The following GABRG2 variants were observed in gnomAD, a reference collection of about 807,000 sequenced individuals.
The protein encoded by GABRG2 is gamma-aminobutyric acid type A receptor subunit gamma2, also known as gamma-aminobutyric acid receptor subunit gamma-2.
Under a neutral mutation model 56.4 loss-of-function variants are expected in GABRG2, and 16 were observed. The ratio of observed to expected loss-of-function variants is 0.28; its 90% confidence interval spans 0.19 to 0.43. The LOEUF (loss-of-function observed/expected upper bound fraction) is 0.43. Among genes scored for constraint, GABRG2 ranks in the 20% least tolerant of loss-of-function variants. The pLI is 1.00. For synonymous variants in GABRG2, 208 were observed against 205.5 expected (o/e 1.01, Z -0.10); for missense variants, 327 against 582.7 (o/e 0.56, Z 4.52).
rs2113080669 is a variant in GABRG2, at chr5:162,068,042, T to C, written c.43T>C (p.Ser15Pro). The C allele has an allele frequency of 6.2e-7, 1 of 1,613,148 alleles. No homozygotes were observed. The highest frequency in any genetic ancestry group is 1.3e-5 in the African/African-American group (1 of 74,846). Reference protein sequence around the residue: ...NIWSTGSSVYSTPVFSQKMTV... With the variant: ...NIWSTGSSVYPTPVFSQKMTV... ...ATGGAGCACAGGAAGCTCAGTCTAC[T>C]CGACTCCTGTATTTTCACAGAAAAT... Residue 15 changes from serine (S) to proline (P), a missense_variant, in exon 1 of 10, where the codon TCG (serine) becomes CCG (proline). Physicochemically the swap from Ser to Pro is moderately conservative, Grantham distance 74 (BLOSUM62 -1). Around this residue, in one of 4 missense-constraint regions of GABRG2, gnomAD observed 73 missense variants for 72.2 expected, o/e 1.01. Transcript: ENST00000639213.
chr5:162,083,393 G>A (rs1203108425), intron 1 of GABRG2: 2 of 153,174 alleles, frequency 1.3e-5, no homozygotes, highest in Admixed American at 1.3e-4. Flanking sequence ...TCCATCTGTG[G>A]ACTCCTTGCA....
At chr5:162,098,296 A>C (rs1417731150) in intron 4 of GABRG2, 2 of 170,802 alleles carry the variant, frequency 1.2e-5, no homozygotes, top group Non-Finnish European at 2.5e-5. Context: ...AGAATCTATT[A>C]TCTTTCATCT....
chr5:162,067,740 G>A (rs977963879), upstream of GABRG2: 7 of 609,382 alleles, frequency 1.1e-5, no homozygotes, highest in South Asian at 2.0e-5. Context: ...CCCCTGCCTC[G>A]ATGATATTAC....
At chr5:162,097,918 T>C in intron 4 of GABRG2, 60 bp downstream of exon 4, 1 of 1,410,930 alleles carries the variant, frequency 7.1e-7, no homozygotes. Context: ...AACACAAAAA[T>C]CAACCTTAAG....
chr5:162,089,798 C>A (rs1453849389), intron 1 of GABRG2, among the ~76,000 whole-genome samples: 3 of 152,078 alleles, frequency 2.0e-5, no homozygotes, highest in African/African-American at 7.2e-5. Context: ...CAAATATTTG[C>A]TGTTCTACTA....
intron 9 of GABRG2, 102 bp downstream of exon 9, chr5:162,151,855 C>A: frequency 9.8e-7 from 1 of 1,016,436 alleles, no homozygotes; most frequent in South Asian, 1.3e-5. Flanking sequence ...GACATTTAAG[C>A]ATTCTACTAG....
chr5:162,149,871 C>G (rs1765244370), intron 8 of GABRG2: 1 of 312,852 alleles, frequency 3.2e-6, no homozygotes, highest in Admixed American at 4.2e-5. Flanking sequence ...GTCTCGGCCT[C>G]CCAAAGTGCT....
At chr5:162,102,334 A>G (rs1761486614) in intron 5 of GABRG2, 5 of 342,732 alleles carry the variant, frequency 1.5e-5, no homozygotes, top group South Asian at 1.2e-4. Flanking sequence ...CTTTCTTTTA[A>G]TACTCCAATT....
chr5:162,111,529 C>A (rs926925854), intron 6 of GABRG2, among the ~76,000 whole-genome samples: 11 of 152,112 alleles, frequency 7.2e-5, no homozygotes, highest in African/African-American at 2.4e-4. Context: ...GAACTAGTTG[C>A]ATATTCCCAT....
chr5:162,137,373 C>T (rs1764212765), intron 6 of GABRG2, among the ~76,000 whole-genome samples: 2 of 152,146 alleles, frequency 1.3e-5, no homozygotes, highest in South Asian at 4.1e-4. Context: ...CAGTGTGTAC[C>T]TCTGATCCCT....
chr5:162,135,752 C>G (rs766341266), intron 6 of GABRG2, among the ~76,000 whole-genome samples: 1 of 151,948 alleles, frequency 6.6e-6, no homozygotes, highest in Non-Finnish European at 1.5e-5. Flanking sequence ...GAGTTGAGGC[C>G]AGAGGAGGCA....
At chr5:162,127,038 C>G (rs1763384929) in intron 6 of GABRG2, among the ~76,000 whole-genome samples, 2 of 151,970 alleles carry the variant, frequency 1.3e-5, no homozygotes, top group South Asian at 2.1e-4. Context: ...ATTACCTCTG[C>G]AAACCTACCA....
intron 5 of GABRG2, 166 bp downstream of exon 5, chr5:162,101,483 G>A (rs188278790): frequency 3.2e-5 from 21 of 660,406 alleles, no homozygotes; most frequent in Admixed American, 6.6e-5. Flanking sequence ...AGCTTGCTCC[G>A]ATTAGGGTGA....
intron 1 of GABRG2, among the ~76,000 whole-genome samples, chr5:162,092,360 T>C (rs2113286905): frequency 6.6e-6 from 1 of 152,266 alleles, no homozygotes; most frequent in East Asian, 1.9e-4. Flanking sequence ...TTTGCAGATG[T>C]ATTTTTGTGA....
intron 1 of GABRG2, among the ~76,000 whole-genome samples, chr5:162,078,796 G>A (rs1228071347): frequency 6.6e-6 from 1 of 151,778 alleles, no homozygotes. Flanking sequence ...TTTTGTTATA[G>A]ATATTTTCCA....
chr5:162,106,002 A>G (rs1561645966), intron 6 of GABRG2, among the ~76,000 whole-genome samples: 1 of 152,126 alleles, frequency 6.6e-6, no homozygotes. Context: ...TTTGAGCCCA[A>G]GAGTGGTATG....
At chr5:162,071,928 T>G (rs1335363240) in intron 1 of GABRG2, among the ~76,000 whole-genome samples, 2 of 150,066 alleles carry the variant, frequency 1.3e-5, no homozygotes, top group Non-Finnish European at 3.0e-5. Flanking sequence ...AAAAAAAAAA[T>G]AAAGAAAAAC....
intron 4 of GABRG2, 196 bp downstream of exon 4, chr5:162,098,054 C>T (rs537991351): frequency 1.7e-6 from 1 of 594,630 alleles, no homozygotes; most frequent in African/African-American, 1.9e-5. Flanking sequence ...TTTTTCAAAG[C>T]ACTAATTATA....
At chr5:162,112,217 A>G (rs1762299175) in intron 6 of GABRG2, among the ~76,000 whole-genome samples, 1 of 151,872 alleles carries the variant, frequency 6.6e-6, no homozygotes. Context: ...TTTTAAGATT[A>G]ATATTTTTGA....
Sources: allele counts gnomAD v4.1 joint callset (sites outside exome capture counted in the v4.1 genomes callset), GRCh38; gene constraint gnomAD v4.1.1; regional missense constraint gnomAD v4.1.1; transcripts MANE v1.5; gene names NCBI Gene and HGNC (gene_info 2026-07-23, HGNC 2026-07-21).